SEMA3F: variants seen among roughly 807,000 people sequenced by gnomAD.
SEMA3F encodes the protein semaphorin 3F.
SEMA3F carries 30 observed loss-of-function variants against 98.5 expected under a neutral mutation model. The ratio of observed to expected loss-of-function variants is 0.30; its 90% CI spans 0.23 to 0.41. SEMA3F has a LOEUF of 0.41. SEMA3F is among the 10% of genes least tolerant of loss of function. The pLI is 1.00. For missense variants in SEMA3F, 866 were observed against 1,119.3 expected, an observed-to-expected ratio of 0.77 and a Z score of 3.23; for synonymous variants, 380 against 444.8, an observed-to-expected ratio of 0.85 and a Z score of 1.83.
At chr3:50,159,833 A>G in intron 2 of SEMA3F, 99 bp downstream of exon 2, 1 of 807,556 alleles carries the variant, frequency 1.2e-6, no homozygotes, top group Non-Finnish European at 2.0e-6. Context: ...GGACAAAACC[A>G]GGACAAATTG....
At chr3:50,186,385 C>T (rs1699214224) in intron 17 of SEMA3F, 37 bp downstream of exon 17, 3 of 1,596,418 alleles carry the variant, frequency 1.9e-6, no homozygotes, top group East Asian at 2.2e-5. Flanking sequence ...GTGCTGCTCA[C>T]ACTGCAGAAG....
Position 50,162,448 on chromosome 3 carries a change from G to C in SEMA3F, c.112+2714G>C, listed in dbSNP as rs559960111. Among the ~76,000 whole-genome samples, 6 of 152,364 alleles carry C rather than the reference G, an allele frequency of 3.9e-5. No homozygotes were observed. The East Asian group carries it at 1.2e-3, about 29-fold the overall frequency. On this transcript the variant is annotated intron_variant, in intron 2 of 18. Transcript: ENST00000002829. ...CAAATGGAGATTTCCAGGAGCAGGTGAGGTGTTTGTTCATTCCTTGCTCTT... is the reference window on the plus strand; with the variant it reads ...CAAATGGAGATTTCCAGGAGCAGGTCAGGTGTTTGTTCATTCCTTGCTCTT...
At chr3:50,173,438 C>G (rs1337167029) in intron 2 of SEMA3F, 2 of 253,768 alleles carry the variant, frequency 7.9e-6, no homozygotes, top group Non-Finnish European at 1.5e-5. Flanking sequence ...CGCCATTGCA[C>G]TCCAGCCTGG....
At chr3:50,161,134 TCTCCTCCCC>T (rs1698191213) in intron 2 of SEMA3F, among the ~76,000 whole-genome samples, 1 of 151,952 alleles carries the variant, frequency 6.6e-6, no homozygotes, top group Non-Finnish European at 1.5e-5. Context: ...GAGTAGAGTG[TCTCCTCCCC>T]CGATAGTGGA....
At chr3:50,177,187 G>A (rs1698847085) in intron 7 of SEMA3F, among the ~76,000 whole-genome samples, 2 of 152,194 alleles carry the variant, frequency 1.3e-5, no homozygotes, top group African/African-American at 4.8e-5. Flanking sequence ...AAGATAAGCC[G>A]AGTGCGTATC....
intron 2 of SEMA3F, among the ~76,000 whole-genome samples, chr3:50,160,294 C>T (rs1015069590): frequency 6.6e-6 from 1 of 152,072 alleles, no homozygotes; most frequent in Non-Finnish European, 1.5e-5. Context: ...GCAGGGAGGC[C>T]GCCGGTGGGT....
rs1699176591 is a variant in SEMA3F at position 50,185,473 on chromosome 3, T to A, written c.1487T>A (p.Leu496Gln). 6.2e-7 allele frequency: 1 copy of A among 1,613,810 alleles called. No homozygotes were observed. The highest frequency in any genetic ancestry group is 1.1e-5 in the South Asian group (1 of 91,074). Residue 496 changes from leucine to glutamine, a missense_variant, in exon 14 of 19, where the codon CTG becomes CAG. Coordinates refer to ENST00000002829, the MANE Select transcript of SEMA3F (RefSeq NM_004186.5). ...DRGTVQKVIV[L>Q]PKDDQELEEL... ...GGGACAGTGCAGAAGGTCATTGTGC[T>A]GCCCAAGGATGACCAGGAGTTGGAG...
intron 7 of SEMA3F, among the ~76,000 whole-genome samples, chr3:50,178,136 G>A (rs980142250): frequency 1.3e-5 from 2 of 152,124 alleles, no homozygotes; most frequent in Non-Finnish European, 2.9e-5. Context: ...CAGCTACTAG[G>A]GAGGCTGAGG....
chr3:50,179,578 C>T (rs1698948075), intron 7 of SEMA3F, among the ~76,000 whole-genome samples: 1 of 152,174 alleles, frequency 6.6e-6, no homozygotes, highest in Non-Finnish European at 1.5e-5. Context: ...CTCCCACCTC[C>T]GCCTCCCAAA....
At chr3:50,155,119 G>T (rs1259577879), upstream of SEMA3F, 2 of 416,118 alleles carry the variant, frequency 4.8e-6, no homozygotes, top group Non-Finnish European at 4.4e-6. The surrounding 1 kb of genome is among the most constrained non-coding windows in gnomAD (Gnocchi z 4.9). Context: ...CGGCGGTCCG[G>T]AGAGCCCCGA....
upstream of SEMA3F, chr3:50,155,119 G>A (rs1259577879): frequency 4.8e-6 from 2 of 416,224 alleles, no homozygotes; most frequent in South Asian, 3.4e-5. This position sits in a 1 kb window ranked among gnomAD's most constrained non-coding sequence, Gnocchi z 4.9. Flanking sequence ...CGGCGGTCCG[G>A]AGAGCCCCGA....
At chr3:50,159,767 A>G (rs1371916424) in intron 2 of SEMA3F, 33 bp downstream of exon 2, 1 of 1,418,094 alleles carries the variant, frequency 7.1e-7, no homozygotes, top group Non-Finnish European at 1.0e-6. Context: ...CCCAGAAATC[A>G]TCCTCTCTTT....
Position 50,182,891 on chromosome 3 carries a change from C to T in SEMA3F, c.904-13C>T, listed in dbSNP as rs1324866439. ...AGAGCTGATCTGACCCGGCCTCTTGCCCCACCCCCCAGAACGATGACGGTG... is the reference window on the plus strand; with the variant it reads ...AGAGCTGATCTGACCCGGCCTCTTGTCCCACCCCCCAGAACGATGACGGTG... On this transcript the variant is annotated splice_polypyrimidine_tract_variant and intron_variant, in intron 9 of 18. Coordinates refer to ENST00000002829, the MANE Select transcript of SEMA3F (RefSeq NM_004186.5). The surrounding 1 kb of genome is among the most constrained non-coding windows in gnomAD (Gnocchi z 4.5). The T allele has an allele frequency of 1.2e-6, 2 of 1,612,484 alleles. No individual in the cohort carries two copies. Among genetic ancestry groups the T allele is most frequent in the Admixed American group, 1.7e-5 (1 of 60,012 alleles).
rs747423827 is a variant in SEMA3F at position 50,174,231 on chromosome 3, G to A, written c.337G>A (p.Gly113Ser). The A allele has an allele frequency of 6.2e-7, 1 of 1,613,750 alleles. No homozygotes were observed. Among genetic ancestry groups the A allele is most frequent in the Admixed American group, 1.7e-5 (1 of 60,026 alleles). The change falls in exon 5 of 19, where the codon GGC (glycine) becomes AGC (serine). Residue 113 changes from glycine to serine, a missense_variant and splice_region_variant. Gly to Ser is a moderately conservative substitution (Grantham distance 56). Around this residue, in one of 3 missense-constraint regions of SEMA3F, gnomAD observed 247 missense variants for 276.0 expected, o/e 0.89. Coordinates refer to ENST00000002829, the MANE Select transcript of SEMA3F (RefSeq NM_004186.5). ...TATGCAGCCTTCCCTGTGGCCCCAG[G>A]GCGAGTGTGGGAACTTCGTCAGGCT... ...ECVLSGKDVN[G>S]ECGNFVRLIQ...
rs1272741694 is a variant in SEMA3F at position 50,166,890 on chromosome 3, C to G, written c.113-6903C>G. Reference sequence around the variant, plus strand: ...GGAGTGAGGGGTTTCCGGGCCAGGTCTGGAATGTGGGAGGAGGAGGTGGGT... The same window carrying G: ...GGAGTGAGGGGTTTCCGGGCCAGGTGTGGAATGTGGGAGGAGGAGGTGGGT... On this transcript the variant is annotated intron_variant, in intron 2 of 18. Transcript: ENST00000002829. The surrounding 1 kb of genome is among the most constrained non-coding windows in gnomAD (Gnocchi z 4.7). Among the ~76,000 whole-genome samples the G allele has an allele frequency of 1.3e-5, 2 of 151,936 alleles. No homozygotes were observed. The highest frequency in any genetic ancestry group is 2.9e-5 in the Non-Finnish European group (2 of 67,956).
intron 2 of SEMA3F, among the ~76,000 whole-genome samples, chr3:50,162,318 G>T (rs573608108): frequency 2.0e-5 from 3 of 152,366 alleles, no homozygotes; most frequent in Admixed American, 1.3e-4. Flanking sequence ...AGAGCCAGAA[G>T]GGTGTGAGGG....
Position 50,187,784 on chromosome 3 carries a change from A to G in SEMA3F, c.2027A>G (p.Tyr676Cys). ...RALQLSDRGL[Y>C]SCTATENNFK... is the part of the protein sequence containing the mutation. The stretch of plus-strand genomic sequence containing the variant: ...CTGCAGCTCAGCGATCGTGGCCTCT[A>G]CTCCTGCACAGCCACTGAGAACAAC... The change falls in exon 19 of 19, where the codon TAC (tyrosine) becomes TGC (cysteine). Residue 676 changes from tyrosine to cysteine, a missense_variant. Tyr to Cys is a radical substitution (Grantham distance 194). Coordinates refer to ENST00000002829, the MANE Select transcript of SEMA3F (RefSeq NM_004186.5). 6.2e-7 allele frequency: 1 copy of G among 1,613,240 alleles called. No individual in the cohort carries two copies. The highest frequency in any genetic ancestry group is 1.3e-5 in the African/African-American group (1 of 75,008).
At chr3:50,165,385 C>T (rs899952194) in intron 2 of SEMA3F, among the ~76,000 whole-genome samples, 3 of 152,146 alleles carry the variant, frequency 2.0e-5, no homozygotes, top group East Asian at 1.9e-4. Context: ...TCCAGTGATA[C>T]GGATGCATTT....
intron 7 of SEMA3F, among the ~76,000 whole-genome samples, chr3:50,177,367 G>T (rs925939524): frequency 6.6e-6 from 1 of 152,206 alleles, no homozygotes; most frequent in Non-Finnish European, 1.5e-5. Flanking sequence ...TCTCTGAGTA[G>T]GGGTCCTGCC....
Sources: allele counts gnomAD v4.1 joint callset (sites outside exome capture counted in the v4.1 genomes callset), GRCh38; gene constraint gnomAD v4.1.1; regional missense constraint gnomAD v4.1.1; non-coding constraint Gnocchi (gnomAD v3.1); transcripts MANE v1.5; gene names NCBI Gene and HGNC (gene_info 2026-07-23, HGNC 2026-07-21).